The following ZNHIT1 variants were observed in gnomAD, a reference collection of about 807,000 sequenced individuals.
ZNHIT1 encodes zinc finger HIT domain-containing protein 1.
ZNHIT1 carries 20 observed loss-of-function variants against 21.4 expected under a neutral mutation model. The observed-to-expected ratio is 0.93, with a 90% CI of 0.66 to 1.36. The LOEUF is 1.36. ZNHIT1 is among the 40% of genes most tolerant of loss of function. The pLI is 0.00. For synonymous variants in ZNHIT1, 79 were observed against 84.0 expected, an observed-to-expected ratio of 0.94 and a Z score of 0.32; for missense variants, 170 against 213.5, an observed-to-expected ratio of 0.80 and a Z score of 1.27.
At position 101,223,781 on chromosome 7, in the gene ZNHIT1, T is replaced by C; in HGVS notation, c.382T>C (p.Cys128Arg). 6.2e-7 allele frequency: 1 copy of C among 1,614,148 alleles called. No homozygotes were observed. Among genetic ancestry groups the C allele is most frequent in the Non-Finnish European group, 8.5e-7 (1 of 1,180,016 alleles). ...AVCGFPSPYT[C>R]VSCGARYCTV... ...CTGTGGCTTCCCATCCCCCTACACC[T>C]GTGTCAGCTGCGGTGCCCGGTACTG... The change falls in exon 4 of 5, where the codon TGT becomes CGT. Residue 128 changes from cysteine to arginine, a missense_variant. Cys to Arg is a radical substitution (Grantham distance 180). Transcript: ENST00000305105.
Position 101,224,088 on chromosome 7 carries a change from C to T in ZNHIT1, c.*130C>T. The T allele has an allele frequency of 7.0e-7, 1 of 1,420,944 alleles. No individual in the cohort carries two copies. The highest frequency in any genetic ancestry group is 1.2e-5 in the South Asian group (1 of 82,914). The allele number at this position is 1,420,944 out of a possible 1,614,324, so 88.0% of individuals were successfully genotyped here. A position where few individuals can be genotyped will look rare whatever the true frequency, so the allele number is the denominator to read the frequency against. On this transcript the variant is annotated 3_prime_UTR_variant, in exon 5 of 5. Transcript: ENST00000305105. ...GGAGCCGCTCATTCACCCAACAAAA[C>T]TGTGTCTTATCTGCCAGGAAAGACC...
chr7:101,220,012 T>G (rs1387390290), intron 1 of ZNHIT1: 1 of 152,224 alleles, frequency 6.6e-6, no homozygotes, highest in Non-Finnish European at 1.5e-5. Context: ...GACTGTAAGC[T>G]TTGGCATCCC....
rs1162966215 is a variant in ZNHIT1, at chr7:101,224,039, G to C, written c.*81G>C. On this transcript the variant is annotated 3_prime_UTR_variant, in exon 5 of 5. Coordinates refer to ENST00000305105, the MANE Select transcript of ZNHIT1 (RefSeq NM_006349.3). ...ACAGAATTTCATCACCCAATGCAGGGGGAGCTCTTCCTGGACCAAGGGAGG... is the reference window on the plus strand; with the variant it reads ...ACAGAATTTCATCACCCAATGCAGGCGGAGCTCTTCCTGGACCAAGGGAGG... 6.2e-7 allele frequency: 1 copy of C among 1,602,598 alleles called. No homozygotes were observed. The highest frequency in any genetic ancestry group is 8.5e-7 in the Non-Finnish European group (1 of 1,171,710).
chr7:101,222,895 T>C, intron 2 of ZNHIT1, 121 bp downstream of exon 2: 1 of 1,317,962 alleles, frequency 7.6e-7, no homozygotes, highest in Non-Finnish European at 1.0e-6. Flanking sequence ...CTGGCTCCCA[T>C]GGCTGTGAGC....
chr7:101,224,003 C>T lies in ZNHIT1; in HGVS notation c.*45C>T. 1 of 1,613,928 alleles carries T rather than the reference C, an allele frequency of 6.2e-7. No individual in the cohort carries two copies. The highest frequency in any genetic ancestry group is 1.7e-4 in the Middle Eastern group (1 of 6,056). ...GGAAGGGCCGCTGTGCACTGCCCGG[C>T]CTTCAGAAAGACAGAATTTCATCAC... On this transcript the variant is annotated 3_prime_UTR_variant, in exon 5 of 5. Transcript: ENST00000305105.
At chr7:101,222,329 T>A (rs746772693) in intron 1 of ZNHIT1, 4 of 438,922 alleles carry the variant, frequency 9.1e-6, no homozygotes, top group Non-Finnish European at 1.2e-5. Flanking sequence ...AGCAGTGAGC[T>A]GTCTCCAGGC....
At position 101,223,470 on chromosome 7, in the gene ZNHIT1, C is replaced by A. The variant is rs747222120; in HGVS notation, c.194-7C>A. ...GTGCCAAGCAACGGATCACCCTTGACCCCTAGGAAAGAAAAAGAAGAAAAC... is the reference window on the plus strand; with the variant it reads ...GTGCCAAGCAACGGATCACCCTTGAACCCTAGGAAAGAAAAAGAAGAAAAC... On this transcript the variant is annotated splice_polypyrimidine_tract_variant and splice_region_variant and intron_variant, in intron 2 of 4. Coordinates refer to ENST00000305105, the MANE Select transcript of ZNHIT1 (RefSeq NM_006349.3). The A allele has an allele frequency of 1.9e-6, 3 of 1,613,966 alleles. No homozygotes were observed. Among genetic ancestry groups the A allele is most frequent in the African/African-American group, 1.3e-5 (1 of 74,916 alleles).
Position 101,223,732 on chromosome 7 carries a change from G to T in ZNHIT1, c.333G>T (p.Arg111=). 1 of 1,613,636 alleles carries T rather than the reference G, an allele frequency of 6.2e-7. No individual in the cohort carries two copies. Among genetic ancestry groups the T allele is most frequent in the Non-Finnish European group, 8.5e-7 (1 of 1,179,854 alleles). The stretch of plus-strand genomic sequence containing the variant: ...CGGCCTGTGCGGGACCCCCATCGCG[G>T]CCCCAGCGCCCCTTCTGTGCTGTCT... The part of the protein sequence containing the change: ...YLTACAGPPS[R]PQRPFCAVCG... Residue 111 remains arginine, a synonymous_variant, in exon 4 of 5, where the codon CGG becomes CGT. Transcript: ENST00000305105.
rs752561113 is a variant in ZNHIT1 at position 101,218,220 on chromosome 7, A to G, written c.22+3A>G. ...AATGGTGGAGAAGAAAACTTCGGGTATGTGAGCCCCCGCGGTTCGCCCCCT... is the reference window on the plus strand; with the variant it reads ...AATGGTGGAGAAGAAAACTTCGGGTGTGTGAGCCCCCGCGGTTCGCCCCCT... On this transcript the variant is annotated splice_donor_region_variant and intron_variant, in intron 1 of 4. Coordinates refer to ENST00000305105, the MANE Select transcript of ZNHIT1 (RefSeq NM_006349.3). 3 of 1,612,734 alleles carry G rather than the reference A, an allele frequency of 1.9e-6. No individual in the cohort carries two copies. The highest frequency in any genetic ancestry group is 1.7e-5 in the Admixed American group (1 of 59,714).
rs2116824975 is a variant in ZNHIT1, at chr7:101,223,831, C to T, written c.432C>T (p.His144=). Residue 144 remains histidine, a synonymous_variant, in exon 4 of 5, where the codon CAC becomes CAT. Coordinates refer to ENST00000305105, the MANE Select transcript of ZNHIT1 (RefSeq NM_006349.3). ...GCACTGTGCGCTGTCTGGGGACCCACCAGGAGACCAGGTGAGCATGAGACC... is the reference window on the plus strand; with the variant it reads ...GCACTGTGCGCTGTCTGGGGACCCATCAGGAGACCAGGTGAGCATGAGACC... ...RYCTVRCLGT[H]QETRCLKWTV 1 of 1,614,088 alleles carries T rather than the reference C, an allele frequency of 6.2e-7. No individual in the cohort carries two copies. Among genetic ancestry groups the T allele is most frequent in the Non-Finnish European group, 8.5e-7 (1 of 1,179,976 alleles).
intron 1 of ZNHIT1, chr7:101,218,854 T>C (rs1798327502): frequency 6.6e-6 from 1 of 152,584 alleles, no homozygotes. Context: ...CAGGGGACTG[T>C]GAAAGCTTGA....
chr7:101,222,423 C>G (rs753152399), intron 1 of ZNHIT1, 181 bp from the exon 2 acceptor site: 1 of 541,348 alleles, frequency 1.8e-6, no homozygotes, highest in South Asian at 2.6e-5. Context: ...GCTGGCGGGA[C>G]AGGAAGTGTG....
rs1431839354 is a variant in ZNHIT1 at position 101,224,035 on chromosome 7, C to T, written c.*77C>T. The T allele has an allele frequency of 1.9e-6, 3 of 1,604,566 alleles. No homozygotes were observed. The highest frequency in any genetic ancestry group is 2.6e-6 in the Non-Finnish European group (3 of 1,173,176). The stretch of plus-strand genomic sequence containing the variant: ...AAAGACAGAATTTCATCACCCAATG[C>T]AGGGGGAGCTCTTCCTGGACCAAGG... On this transcript the variant is annotated 3_prime_UTR_variant, in exon 5 of 5. Transcript: ENST00000305105.
At chr7:101,223,622 C>T (rs556415641) in intron 3 of ZNHIT1, 51 bp from the exon 4 acceptor site, 144 of 1,613,368 alleles carry the variant, frequency 8.9e-5, no homozygotes, top group Non-Finnish European at 1.0e-4. Flanking sequence ...GGCAGGTGTT[C>T]GCTGCGTGGG....
chr7:101,221,263 G>A (rs1584259987), intron 1 of ZNHIT1: 1 of 147,600 alleles, frequency 6.8e-6, no homozygotes. Context: ...TTGTCACTCA[G>A]GCTGGAGTGG....
rs771865514 is a variant in ZNHIT1, at chr7:101,223,632, G to C, written c.274-41G>C. 1.9e-6 allele frequency: 3 copies of C among 1,613,126 alleles called. No individual in the cohort carries two copies. In the Admixed American group the frequency reaches 5.0e-5, roughly 27 times the overall value. ...GCCCGGGCAGGTGTTCGCTGCGTGG[G>C]TGGGCGGAGGAGTTCTAGAGCCGGC... On this transcript the variant is annotated intron_variant, in intron 3 of 4. Transcript: ENST00000305105.
chr7:101,218,901 T>G (rs1316404122), intron 1 of ZNHIT1: 2 of 152,480 alleles, frequency 1.3e-5, no homozygotes, highest in African/African-American at 4.8e-5. Context: ...GTCTTGAAAG[T>G]CTAGTTAGGG....
chr7:101,222,835 C>A (rs1168650227), intron 2 of ZNHIT1, 61 bp downstream of exon 2: 4 of 1,564,624 alleles, frequency 2.6e-6, no homozygotes, highest in South Asian at 1.2e-5. Flanking sequence ...AGAGTCCGCC[C>A]AACTCAGGCT....
At chr7:101,219,456 T>A (rs1438649802) in intron 1 of ZNHIT1, 1 of 149,208 alleles carries the variant, frequency 6.7e-6, no homozygotes, top group Non-Finnish European at 1.5e-5. Context: ...AGACGGAGTC[T>A]TGCTCTGTCC....
Sources: allele counts gnomAD v4.1 joint callset, GRCh38; gene constraint gnomAD v4.1.1; transcripts MANE v1.5; gene names NCBI Gene and HGNC (gene_info 2026-07-23, HGNC 2026-07-21).